Variants in GRID1 observed in about 807,000 individuals in gnomAD.
GRID1 encodes glutamate ionotropic receptor delta type subunit 1.
A neutral mutation model predicts 98.0 loss-of-function variants in GRID1; 28 were observed. That is an observed-to-expected ratio of 0.29 (90% CI 0.21 to 0.39). The LOEUF is 0.39. Ranked by LOEUF, GRID1 falls within the 10% of genes least tolerant of loss-of-function variation. The probability of loss-of-function intolerance (pLI) is 1.00; values close to 1 mark genes in which losing one functional copy is unlikely to be tolerated. For synonymous variants in GRID1, 553 were observed against 538.5 expected (o/e 1.03, Z -0.37); for missense variants, 1,111 against 1,340.5 (o/e 0.83, Z 2.67).
intron 4 of GRID1, among the ~76,000 whole-genome samples, chr10:85,920,384 G>A (rs1841685899): frequency 6.6e-6 from 1 of 152,124 alleles, no homozygotes; most frequent in South Asian, 2.1e-4. Context: ...CCTTCTACTG[G>A]AGTCTCCAGC....
intron 8 of GRID1, among the ~76,000 whole-genome samples, chr10:85,743,096 A>G (rs1387296021): frequency 8.0e-6 from 1 of 125,510 alleles, no homozygotes; most frequent in African/African-American, 2.8e-5. Context: ...TGGAGGATAG[A>G]ATTATGCAGC....
At chr10:86,082,419 G>T (rs923619672) in intron 4 of GRID1, among the ~76,000 whole-genome samples, 5 of 152,190 alleles carry the variant, frequency 3.3e-5, no homozygotes, top group Admixed American at 2.6e-4. Context: ...CAGGGAGGGA[G>T]TTGGGTTTAA....
At chr10:85,730,597 A>C (rs1257474484) in intron 8 of GRID1, among the ~76,000 whole-genome samples, 1 of 152,154 alleles carries the variant, frequency 6.6e-6, no homozygotes, top group Middle Eastern at 3.2e-3. Context: ...AGTATCTTTT[A>C]AGGGGGCTTT....
intron 2 of GRID1, among the ~76,000 whole-genome samples, chr10:86,213,651 T>C (rs1202901725): frequency 6.6e-6 from 1 of 152,126 alleles, no homozygotes; most frequent in East Asian, 1.9e-4. Flanking sequence ...CCTTGCATGT[T>C]TGACCCACCC....
At chr10:86,250,986 T>C (rs190107546) in intron 2 of GRID1, among the ~76,000 whole-genome samples, 6,021 of 152,318 alleles carry the variant, frequency 0.04, 236 homozygotes, top group Admixed American at 0.11. Context: ...GACTCCATTT[T>C]GTCCTGTACT....
At chr10:85,739,622 A>G (rs1841921066) in intron 8 of GRID1, among the ~76,000 whole-genome samples, 1 of 152,082 alleles carries the variant, frequency 6.6e-6, no homozygotes, top group Admixed American at 6.6e-5. Flanking sequence ...AAATAACATT[A>G]TGATCAATTT....
rs967149684 is a variant in GRID1, at chr10:85,865,919, A to T, written c.951+3091T>A. Among the ~76,000 whole-genome samples, 49 of 93,444 alleles carry T rather than the reference A, an allele frequency of 5.2e-4. 1 individual carries two copies. The highest frequency in any genetic ancestry group is 2.0e-3 in the African/African-American group (47 of 23,958). 61.3% of individuals were successfully genotyped at this position (93,444 alleles called of 152,430 possible). On this transcript the variant is annotated intron_variant, in intron 6 of 15. Transcript: ENST00000327946. ...AAGTGTTTTACATATATACATATAT[A>T]TATATATATATATATATATATATAC...
chr10:86,205,269 T>C (rs1402952392), intron 3 of GRID1, among the ~76,000 whole-genome samples: 1 of 152,246 alleles, frequency 6.6e-6, no homozygotes, highest in Admixed American at 6.5e-5. Flanking sequence ...ATGGGACTTT[T>C]GAAGGTCCAC....
At chr10:86,335,998 G>A (rs966595906) in intron 2 of GRID1, among the ~76,000 whole-genome samples, 4 of 152,206 alleles carry the variant, frequency 2.6e-5, no homozygotes, top group Admixed American at 2.6e-4. Context: ...TTTCCATGGG[G>A]CCTAACCAGC....
chr10:85,979,052 G>A (rs918520184), intron 4 of GRID1, among the ~76,000 whole-genome samples: 1 of 152,076 alleles, frequency 6.6e-6, no homozygotes, highest in East Asian at 1.9e-4. Context: ...TATGTGGTGG[G>A]GTGGGGGGCT....
intron 13 of GRID1, among the ~76,000 whole-genome samples, chr10:85,627,517 A>G (rs1433404866): frequency 6.6e-6 from 1 of 152,234 alleles, no homozygotes; most frequent in African/African-American, 2.4e-5. Context: ...ATAAGTGCCA[A>G]ATACAAGCCA....
intron 10 of GRID1, 96 bp downstream of exon 10, chr10:85,727,759 G>T: frequency 1.1e-6 from 1 of 876,250 alleles, no homozygotes; most frequent in Non-Finnish European, 1.9e-6. Context: ...TGTTTAGCTG[G>T]TCCCAAGGTT....
At chr10:86,281,750 T>C (rs1847360136) in intron 2 of GRID1, among the ~76,000 whole-genome samples, 1 of 152,102 alleles carries the variant, frequency 6.6e-6, no homozygotes, top group Non-Finnish European at 1.5e-5. Flanking sequence ...TAGATGCCCA[T>C]GTCCCATCTC....
chr10:85,631,586 A>T (rs775326720), intron 13 of GRID1, among the ~76,000 whole-genome samples: 1 of 152,270 alleles, frequency 6.6e-6, no homozygotes, highest in Non-Finnish European at 1.5e-5. Context: ...TGGAAAAATC[A>T]ATGCCTCTTT....
intron 8 of GRID1, among the ~76,000 whole-genome samples, chr10:85,801,025 G>A (rs994074572): frequency 1.3e-5 from 2 of 151,994 alleles, no homozygotes; most frequent in Non-Finnish European, 2.9e-5. Flanking sequence ...TTTGGAGAGA[G>A]AGAGAAATAA....
intron 4 of GRID1, among the ~76,000 whole-genome samples, chr10:86,089,720 A>T (rs898596850): frequency 6.6e-6 from 1 of 152,150 alleles, no homozygotes; most frequent in Non-Finnish European, 1.5e-5. Context: ...AGGAAATACA[A>T]TATATAAAGA....
At chr10:86,042,413 G>T (rs150877873) in intron 4 of GRID1, among the ~76,000 whole-genome samples, 2 of 152,144 alleles carry the variant, frequency 1.3e-5, no homozygotes, top group Non-Finnish European at 1.5e-5. Context: ...AGTACCTGGA[G>T]GAAAGGGATA....
At chr10:86,235,641 C>T (rs1000927426) in intron 2 of GRID1, among the ~76,000 whole-genome samples, 3 of 152,208 alleles carry the variant, frequency 2.0e-5, no homozygotes, top group Non-Finnish European at 4.4e-5. Context: ...TGGAATCATA[C>T]AACACGTAGT....
chr10:86,211,948 G>A (rs1846113422), intron 2 of GRID1, among the ~76,000 whole-genome samples: 1 of 152,148 alleles, frequency 6.6e-6, no homozygotes, highest in African/African-American at 2.4e-5. Flanking sequence ...GAGTAGGCAG[G>A]CAGGAACAAG....
Sources: gnomAD v4.1 joint callset for allele counts (sites outside exome capture counted in the v4.1 genomes callset) on GRCh38, gnomAD v4.1.1 for gene constraint, MANE v1.5 for transcripts, NCBI Gene and HGNC (gene_info 2026-07-23, HGNC 2026-07-21) for gene names.